The following UTP18 variants were observed in gnomAD, a reference collection of about 807,000 sequenced individuals.
UTP18 encodes UTP18 small subunit processome component, also known as U3 small nucleolar RNA-associated protein 18 homolog.
In UTP18, 36 loss-of-function variants were observed where a neutral mutation model predicts 61.1. The ratio of observed to expected loss-of-function variants is 0.59; its 90% CI spans 0.45 to 0.78. The LOEUF is 0.78. Ranked by LOEUF, UTP18 falls within the 30% of genes least tolerant of loss-of-function variation. UTP18 has a pLI of 0.00. For synonymous variants in UTP18, 282 were observed against 251.1 expected (o/e 1.12, Z -1.16); for missense variants, 753 against 693.9 (o/e 1.09, Z -0.96).
chr17:51,279,931 TC>T (rs1428196271), intron 7 of UTP18, 73 bp from the exon 8 acceptor site: 2 of 1,221,594 alleles, frequency 1.6e-6, no homozygotes, highest in African/African-American at 3.1e-5. Flanking sequence ...AGTAAGAAAC[TC>T]ATTTGTCAAT....
intron 1 of UTP18, among the ~76,000 whole-genome samples, chr17:51,262,297 G>A (rs143457875): frequency 0.03 from 4,496 of 152,006 alleles, 83 homozygotes; most frequent in Admixed American, 0.032. Context: ...TCTTCGCCAG[G>A]CTGGTCTCAA....
chr17:51,270,280 C>T (rs4794218), intron 4 of UTP18, among the ~76,000 whole-genome samples: 81,387 of 152,030 alleles, frequency 0.54, 21,916 homozygotes, highest in Middle Eastern at 0.65. Flanking sequence ...CTTTTTCTCT[C>T]ATTTGGGAAG....
intron 3 of UTP18, among the ~76,000 whole-genome samples, chr17:51,268,013 T>G (rs1200747239): frequency 3.4e-5 from 5 of 146,458 alleles, no homozygotes; most frequent in Admixed American, 6.8e-5. Context: ...TTTTGTTTTT[T>G]GTTTTTTTTT....
chr17:51,275,755 C>A, intron 5 of UTP18, 111 bp from the exon 6 acceptor site: 60 of 883,060 alleles, frequency 6.8e-5, no homozygotes, highest in East Asian at 1.6e-4. Context: ...GGTTACCATT[C>A]CAGTGCATTT....
rs373219166 is a variant in UTP18 at position 51,267,514 on chromosome 17, C to T, written c.554+1234C>T. ...TTTATCACCTCAAAAGAAAACTCTC[C>T]ATTAATTAGTCACTTTGCATTTCCT... On this transcript the variant is annotated intron_variant, in intron 3 of 13. Transcript: ENST00000225298. Among the ~76,000 whole-genome samples, 21 of 151,334 alleles carry T rather than the reference C, an allele frequency of 1.4e-4. No individual in the cohort carries two copies. The East Asian group carries it at 3.9e-3, about 28-fold the overall frequency.
chr17:51,295,680 CG>C (rs1245727526), intron 12 of UTP18, among the ~76,000 whole-genome samples: 1 of 152,040 alleles, frequency 6.6e-6, no homozygotes, highest in Non-Finnish European at 1.5e-5. Context: ...CTTGGCTATG[CG>C]GGCTCTTTTT....
intron 1 of UTP18, among the ~76,000 whole-genome samples, chr17:51,261,611 G>A (rs746298073): frequency 4.6e-5 from 7 of 152,148 alleles, no homozygotes; most frequent in Non-Finnish European, 8.8e-5. Flanking sequence ...CTGCCTTTTG[G>A]CGCTTGTGTG....
chr17:51,280,097 G>A lies in UTP18; in HGVS notation c.1105G>A (p.Ala369Thr), dbSNP rs199856341. The change falls in exon 8 of 14, where the codon GCA becomes ACA. Residue 369 changes from alanine to threonine, a missense_variant. Ala to Thr is a moderately conservative substitution (Grantham distance 58). Coordinates refer to ENST00000225298, the MANE Select transcript of UTP18 (RefSeq NM_016001.3). ...CATTGCTGGATATTTGCATTTGCTA[G>A]CAATGAAGGTAAAGCATTATTATTG... Reference protein sequence around the residue: ...NGIAGYLHLLAMKTKELIGSM... With the variant: ...NGIAGYLHLLTMKTKELIGSM... 101 of 1,613,236 alleles carry A rather than the reference G, an allele frequency of 6.3e-5. No individual in the cohort carries two copies. In the Middle Eastern group the frequency reaches 1.3e-3, roughly 21 times the overall value.
intron 11 of UTP18, among the ~76,000 whole-genome samples, chr17:51,290,039 G>T (rs1905204874): frequency 6.6e-6 from 1 of 152,182 alleles, no homozygotes; most frequent in African/African-American, 2.4e-5. Flanking sequence ...AGGAGGCTAA[G>T]CTCCTTAACT....
At chr17:51,280,914 A>G (rs1904893452) in intron 9 of UTP18, among the ~76,000 whole-genome samples, 1 of 151,990 alleles carries the variant, frequency 6.6e-6, no homozygotes, top group Non-Finnish European at 1.5e-5. Flanking sequence ...GCGGTAGCTT[A>G]CGCCTGTAAT....
intron 10 of UTP18, 111 bp from the exon 11 acceptor site, chr17:51,287,918 G>T (rs115314782): frequency 0.015 from 12,012 of 812,240 alleles, 269 homozygotes; most frequent in African/African-American, 0.081. Flanking sequence ...TGGTCTCTTT[G>T]TAACATGATT....
intron 11 of UTP18, among the ~76,000 whole-genome samples, chr17:51,290,289 G>C (rs180871589): frequency 1.3e-5 from 2 of 152,106 alleles, no homozygotes; most frequent in Non-Finnish European, 2.9e-5. Flanking sequence ...TGTGGTGGGC[G>C]TCTGTAATCC....
At chr17:51,283,310 A>G (rs1389485808) in intron 9 of UTP18, among the ~76,000 whole-genome samples, 1 of 151,132 alleles carries the variant, frequency 6.6e-6, no homozygotes, top group African/African-American at 2.4e-5. Flanking sequence ...CTGGGATTAC[A>G]GGCACACACC....
At position 51,260,572 on chromosome 17, in the gene UTP18, C is replaced by A. The variant is rs780801096; in HGVS notation, c.-13C>A. ...TTCCACGTGAGCGCCTGCGTTTCTC[C>A]TCAAACCTAACGATGCCGCCGGAGC... On this transcript the variant is annotated 5_prime_UTR_variant, in exon 1 of 14. Coordinates refer to ENST00000225298, the MANE Select transcript of UTP18 (RefSeq NM_016001.3). The A allele has an allele frequency of 6.2e-7, 1 of 1,610,034 alleles. No individual in the cohort carries two copies. The highest frequency in any genetic ancestry group is 8.5e-7 in the Non-Finnish European group (1 of 1,178,892).
intron 1 of UTP18, among the ~76,000 whole-genome samples, chr17:51,261,941 G>GCA (rs2055500286): frequency 6.6e-6 from 1 of 152,154 alleles, no homozygotes; most frequent in African/African-American, 2.4e-5. Flanking sequence ...TTTGTCGTCT[G>GCA]GAAAAGGAAC....
Position 51,277,157 on chromosome 17 carries a change from C to G in UTP18, c.865C>G (p.Gln289Glu). Reference protein sequence around the residue: ...QVDGKTNPKIQSIYLERFPIF... With the variant: ...QVDGKTNPKIESIYLERFPIF... ...TGATGGGAAAACAAATCCTAAAATT[C>G]AGAGCATCTATTTGGAAAGGTTTCC... Residue 289 changes from glutamine (Q) to glutamate (E), a missense_variant, in exon 7 of 14, where the codon CAG becomes GAG. Physicochemically the swap from Gln to Glu is conservative, Grantham distance 29. Transcript: ENST00000225298. 1 of 1,613,916 alleles carries G rather than the reference C, an allele frequency of 6.2e-7. No individual in the cohort carries two copies.
chr17:51,275,609 T>C (rs1007874973), intron 5 of UTP18, among the ~76,000 whole-genome samples: 2 of 152,222 alleles, frequency 1.3e-5, no homozygotes, highest in Non-Finnish European at 2.9e-5. Flanking sequence ...CTTCTAGATA[T>C]GGAAAGCACT....
In UTP18 at chr17:51,285,471, AC is replaced by A. The variant is rs1453402213; in HGVS notation, c.1328+104del. The A allele has an allele frequency of 5.1e-5, 70 of 1,381,016 alleles. 1 individual carries two copies. The African/African-American group carries it at 9.6e-4, about 19-fold the overall frequency. The allele number at this position is 1,381,016 out of a possible 1,614,324, so 85.5% of individuals were successfully genotyped here. On this transcript the variant is annotated intron_variant, in intron 10 of 13. Coordinates refer to ENST00000225298, the MANE Select transcript of UTP18 (RefSeq NM_016001.3). ...GGTGCATGAGTAGTTCTCTTTATAA[AC>A]TATTCAGTAATATGAAATTGGTCAA...
At chr17:51,286,673 C>T (rs1282503485) in intron 10 of UTP18, 3 of 420,956 alleles carry the variant, frequency 7.1e-6, no homozygotes, top group Non-Finnish European at 9.5e-6. Context: ...CTACCCATAC[C>T]CGTGCCAACC....
Sources: allele counts gnomAD v4.1 joint callset (sites outside exome capture counted in the v4.1 genomes callset), GRCh38; gene constraint gnomAD v4.1.1; transcripts MANE v1.5; gene names NCBI Gene and HGNC (gene_info 2026-07-23, HGNC 2026-07-21).